The following ZNF689 variants were observed in gnomAD, a reference collection of about 807,000 sequenced individuals.
The protein encoded by ZNF689 is short ORF-encoded histone-binding protein.
A neutral mutation model predicts 37.2 loss-of-function variants in ZNF689; 14 were observed. The ratio of observed to expected loss-of-function variants is 0.38; its 90% confidence interval spans 0.25 to 0.59. ZNF689 has a LOEUF of 0.59. Among genes scored for constraint, ZNF689 ranks in the 20% least tolerant of loss-of-function variants. ZNF689 has a pLI of 0.68. For synonymous variants in ZNF689, 277 were observed against 283.3 expected (o/e 0.98, Z 0.22); for missense variants, 573 against 700.2 (o/e 0.82, Z 2.05).
chr16:30,610,625 G>A (rs2052089069), upstream of ZNF689: 2 of 153,008 alleles, frequency 1.3e-5, no homozygotes, highest in African/African-American at 2.4e-5. Context: ...GCTTTCCGCT[G>A]TTCGACTCTG....
chr16:30,604,492 G>A lies in ZNF689; in HGVS notation c.1275C>T (p.Gly425=), dbSNP rs374782420. 16 of 1,601,876 alleles carry A rather than the reference G, an allele frequency of 1.0e-5. No homozygotes were observed. The highest frequency in any genetic ancestry group is 6.8e-5 in the East Asian group (3 of 44,310). Residue 425 remains glycine (G), a synonymous_variant, in exon 3 of 3, where the codon GGC becomes GGT. Coordinates refer to ENST00000287461, the MANE Select transcript of ZNF689 (RefSeq NM_138447.3). This position sits in a 1 kb window ranked among gnomAD's most constrained non-coding sequence, Gnocchi z 5.2. ...LLASHRRVHS[G]ERPYACDLCS... ...AAAGGTCGCAGGCATAGGGCCGCTCGCCCGAGTGCACGCGCCGGTGGCTGG... is the reference window on the plus strand; with the variant it reads ...AAAGGTCGCAGGCATAGGGCCGCTCACCCGAGTGCACGCGCCGGTGGCTGG...
Position 30,604,603 on chromosome 16 carries a change from C to T in ZNF689, c.1164G>A (p.Leu388=). 1 of 1,599,886 alleles carries T rather than the reference C, an allele frequency of 6.3e-7. No homozygotes were observed. Among genetic ancestry groups the T allele is most frequent in the Non-Finnish European group, 8.5e-7 (1 of 1,173,510 alleles). ...CGRAFRRSGS[L]AIHRSTHTEE... is the part of the protein sequence containing the mutation. Reference sequence around the variant, plus strand: ...CTGTGTGCGTGCTGCGATGGATGGCCAGGGAGCCGCTCCGCCGGAAGGCAC... The same window carrying T: ...CTGTGTGCGTGCTGCGATGGATGGCTAGGGAGCCGCTCCGCCGGAAGGCAC... Residue 388 remains leucine (L), a synonymous_variant, in exon 3 of 3, where the codon CTG becomes CTA. Coordinates refer to ENST00000287461, the MANE Select transcript of ZNF689 (RefSeq NM_138447.3). The surrounding 1 kb of genome is among the most constrained non-coding windows in gnomAD (Gnocchi z 5.2).
intron 2 of ZNF689, among the ~76,000 whole-genome samples, chr16:30,607,886 C>T (rs1414187729): frequency 3.9e-5 from 6 of 152,170 alleles, no homozygotes; most frequent in South Asian, 4.1e-4. Context: ...TGCTTGAAAC[C>T]GGGAGCAAGA....
At chr16:30,609,485 T>C (rs759949561) in intron 2 of ZNF689, 40 bp downstream of exon 2, 12 of 1,586,054 alleles carry the variant, frequency 7.6e-6, no homozygotes, top group South Asian at 3.3e-5. Flanking sequence ...TAGAACGTTA[T>C]AGGAGGGCTG....
rs777702367 is a variant in ZNF689, at chr16:30,605,489, C to T, written c.320-42G>A. On this transcript the variant is annotated intron_variant, in intron 2 of 2. Coordinates refer to ENST00000287461, the MANE Select transcript of ZNF689 (RefSeq NM_138447.3). This position sits in a 1 kb window ranked among gnomAD's most constrained non-coding sequence, Gnocchi z 5.1. ...GCATTAATTTAACAAATACTGGGCT[C>T]CTGCTCTTGTCAATTACATTATAGG... The T allele has an allele frequency of 6.3e-7, 1 of 1,577,662 alleles. No individual in the cohort carries two copies. Among genetic ancestry groups the T allele is most frequent in the South Asian group, 1.2e-5 (1 of 86,722 alleles).
At position 30,603,957 on chromosome 16, in the gene ZNF689, T is replaced by A; in HGVS notation, c.*307A>T. On this transcript the variant is annotated 3_prime_UTR_variant, in exon 3 of 3. Coordinates refer to ENST00000287461, the MANE Select transcript of ZNF689 (RefSeq NM_138447.3). ...TGCAAGATGACAGGTAATCCCTGTG[T>A]GGACAGACTAGAAAAGCAGACAGCC... 2.0e-6 allele frequency: 1 copy of A among 511,846 alleles called. No homozygotes were observed. Among genetic ancestry groups the A allele is most frequent in the East Asian group, 4.5e-5 (1 of 22,198 alleles). 31.7% of individuals were successfully genotyped at this position (511,846 alleles called of 1,614,324 possible).
In ZNF689 at chr16:30,603,696, T is replaced by C. The variant is rs2052003124; in HGVS notation, c.*568A>G. ...CTATGTAGATGAAGTATTAAACATG[T>C]CGTAGGCAAGGTTTAGAGGAGAATG... On this transcript the variant is annotated 3_prime_UTR_variant, in exon 3 of 3. Transcript: ENST00000287461. 5.3e-6 allele frequency: 1 copy of C among 189,340 alleles called. No homozygotes were observed. The highest frequency in any genetic ancestry group is 2.4e-5 in the African/African-American group (1 of 42,414). The allele number at this position is 189,340 out of a possible 1,614,324, so 11.7% of individuals were successfully genotyped here. A position where few individuals can be genotyped will look rare whatever the true frequency, so the allele number is the denominator to read the frequency against.
At position 30,610,049 on chromosome 16, in the gene ZNF689, G is replaced by T. The variant is rs768612711; in HGVS notation, c.-8C>A. 1.3e-6 allele frequency: 2 copies of T among 1,579,952 alleles called. No homozygotes were observed. The highest frequency in any genetic ancestry group is 1.7e-6 in the Non-Finnish European group (2 of 1,165,040). On this transcript the variant is annotated 5_prime_UTR_variant, in exon 1 of 3. Transcript: ENST00000287461. Reference sequence around the variant, plus strand: ...AGCCGAAGGTGGCGCCATGGGACCCGAGAAGCCGGCGCCACGGCCTTCCGT... The same window carrying T: ...AGCCGAAGGTGGCGCCATGGGACCCTAGAAGCCGGCGCCACGGCCTTCCGT...
intron 2 of ZNF689, among the ~76,000 whole-genome samples, chr16:30,608,011 G>C (rs2052052245): frequency 6.6e-6 from 1 of 152,208 alleles, no homozygotes; most frequent in African/African-American, 2.4e-5. Context: ...TATGAGGTAT[G>C]AGCTAGCAGT....
In ZNF689 at chr16:30,605,389, G is replaced by C; in HGVS notation, c.378C>G (p.Pro126=). The C allele has an allele frequency of 1.9e-6, 3 of 1,613,992 alleles. No individual in the cohort carries two copies. The highest frequency in any genetic ancestry group is 2.5e-6 in the Non-Finnish European group (3 of 1,179,958). Reference sequence around the variant, plus strand: ...GCCTCCGGCCTCGCTTCCCCTTTCGGGGTGCCTCCTTAGGCGGGAATACTT... The same window carrying C: ...GCCTCCGGCCTCGCTTCCCCTTTCGCGGTGCCTCCTTAGGCGGGAATACTT... The part of the protein sequence containing the change: ...EKEVFPPKEA[P]RKGKRGRRPS... Residue 126 remains proline, a synonymous_variant, in exon 3 of 3, where the codon CCC becomes CCG. Transcript: ENST00000287461. The surrounding 1 kb of genome is among the most constrained non-coding windows in gnomAD (Gnocchi z 5.1).
chr16:30,609,448 C>T, intron 2 of ZNF689, 77 bp downstream of exon 2: 1 of 1,419,874 alleles, frequency 7.0e-7, no homozygotes, highest in Non-Finnish European at 9.9e-7. Context: ...CTAGCCCAAC[C>T]AAAACTCTGG....
Position 30,610,102 on chromosome 16 carries a change from C to A in ZNF689, c.-61G>T. ...CCAGGCCTCGGCCCTCGGGCGCTGGCGGCCCCTGGGATCGAGGAGCCCCTG... is the reference window on the plus strand; with the variant it reads ...CCAGGCCTCGGCCCTCGGGCGCTGGAGGCCCCTGGGATCGAGGAGCCCCTG... On this transcript the variant is annotated 5_prime_UTR_variant, in exon 1 of 3. Transcript: ENST00000287461. The A allele has an allele frequency of 6.6e-7, 1 of 1,517,302 alleles. No individual in the cohort carries two copies. The highest frequency in any genetic ancestry group is 1.2e-5 in the South Asian group (1 of 80,744). The allele number at this position is 1,517,302 out of a possible 1,614,324, so 94.0% of individuals were successfully genotyped here. A position where few individuals can be genotyped will look rare whatever the true frequency, so the allele number is the denominator to read the frequency against.
In ZNF689 at chr16:30,605,589, G is replaced by A. The variant is rs1459927032; in HGVS notation, c.320-142C>T. ...ACAGCTAAGTGTGACATACTGTCAT[G>A]CAAATACGGTGTGCATTACAGGAGC... On this transcript the variant is annotated intron_variant, in intron 2 of 2. Coordinates refer to ENST00000287461, the MANE Select transcript of ZNF689 (RefSeq NM_138447.3). The surrounding 1 kb of genome is among the most constrained non-coding windows in gnomAD (Gnocchi z 5.1). The A allele has an allele frequency of 1.2e-6, 1 of 837,566 alleles. No individual in the cohort carries two copies. The highest frequency in any genetic ancestry group is 1.7e-5 in the African/African-American group (1 of 58,036). 51.9% of individuals were successfully genotyped at this position (837,566 alleles called of 1,614,324 possible). A position where few individuals can be genotyped will look rare whatever the true frequency, so the allele number is the denominator to read the frequency against.
At position 30,607,690 on chromosome 16, in the gene ZNF689, CTGGGCG is replaced by C. The variant is rs1442278535; in HGVS notation, c.319+1829_319+1834del. ...ACACAAAGTGTAAAAGCAAGACAGG[CTGGGCG>C]CGGTGGCTTACACCTGCAATCCCAG... On this transcript the variant is annotated intron_variant, in intron 2 of 2. Transcript: ENST00000287461. Among the ~76,000 whole-genome samples, 5 of 152,140 alleles carry C rather than the reference CTGGGCG, an allele frequency of 3.3e-5. No individual in the cohort carries two copies. In the East Asian group the frequency reaches 7.7e-4, roughly 24 times the overall value.
chr16:30,605,514 G>A lies in ZNF689; in HGVS notation c.320-67C>T. 2 of 1,511,630 alleles carry A rather than the reference G, an allele frequency of 1.3e-6. No individual in the cohort carries two copies. Among genetic ancestry groups the A allele is most frequent in the Non-Finnish European group, 1.8e-6 (2 of 1,114,478 alleles). 93.6% of individuals were successfully genotyped at this position (1,511,630 alleles called of 1,614,324 possible). A position where few individuals can be genotyped will look rare whatever the true frequency, so the allele number is the denominator to read the frequency against. On this transcript the variant is annotated intron_variant, in intron 2 of 2. Coordinates refer to ENST00000287461, the MANE Select transcript of ZNF689 (RefSeq NM_138447.3). This position sits in a 1 kb window ranked among gnomAD's most constrained non-coding sequence, Gnocchi z 5.1. ...CCTGCTCTTGTCAATTACATTATAG[G>A]TTACAAGACCAATAGACTCACCCCC... is the stretch of plus-strand genomic sequence containing the variant.
In ZNF689 at chr16:30,610,382, G is replaced by T; in HGVS notation, c.-341C>A. Reference sequence around the variant, plus strand: ...CTTCCTAACCTCTTTGCCCTCAAGTGTAATGGCGCTGCGATTGGGCTTCAC... The same window carrying T: ...CTTCCTAACCTCTTTGCCCTCAAGTTTAATGGCGCTGCGATTGGGCTTCAC... On this transcript the variant is annotated 5_prime_UTR_variant, in exon 1 of 3. Coordinates refer to ENST00000287461, the MANE Select transcript of ZNF689 (RefSeq NM_138447.3). 3.6e-6 allele frequency: 1 copy of T among 277,972 alleles called. No homozygotes were observed. Among genetic ancestry groups the T allele is most frequent in the Non-Finnish European group, 6.8e-6 (1 of 147,048 alleles). The allele number at this position is 277,972 out of a possible 1,614,324, so 17.2% of individuals were successfully genotyped here.
chr16:30,609,810 C>A, intron 1 of ZNF689, 27 bp downstream of exon 1: 2 of 1,583,994 alleles, frequency 1.3e-6, no homozygotes, highest in East Asian at 4.6e-5. Flanking sequence ...CTTCGCGCCC[C>A]GCGGCAGCGG....
In ZNF689 at chr16:30,609,966, G is replaced by A; in HGVS notation, c.76C>T (p.Pro26Ser). 3 of 1,611,972 alleles carry A rather than the reference G, an allele frequency of 1.9e-6. No homozygotes were observed. Among genetic ancestry groups the A allele is most frequent in the Non-Finnish European group, 2.5e-6 (3 of 1,179,472 alleles). The change falls in exon 1 of 3, where the codon CCG (proline) becomes TCG (serine). Residue 26 changes from proline to serine, a missense_variant. Coordinates refer to ENST00000287461, the MANE Select transcript of ZNF689 (RefSeq NM_138447.3). ...ARPSRKRGRR[P>S]RALKFVDVAV... ...ACGTCCACGAACTTCAGAGCCCTCG[G>A]CCTCCTGCCCCTTTTCCGACTGGGT... is the stretch of plus-strand genomic sequence containing the variant.
At position 30,605,584 on chromosome 16, in the gene ZNF689, G is replaced by T; in HGVS notation, c.320-137C>A. The T allele has an allele frequency of 1.1e-6, 1 of 871,018 alleles. No individual in the cohort carries two copies. The highest frequency in any genetic ancestry group is 1.7e-6 in the Non-Finnish European group (1 of 575,146). 54.0% of individuals were successfully genotyped at this position (871,018 alleles called of 1,614,324 possible). A position where few individuals can be genotyped will look rare whatever the true frequency, so the allele number is the denominator to read the frequency against. On this transcript the variant is annotated intron_variant, in intron 2 of 2. Transcript: ENST00000287461. The surrounding 1 kb of genome is among the most constrained non-coding windows in gnomAD (Gnocchi z 5.1). ...CACAGACAGCTAAGTGTGACATACT[G>T]TCATGCAAATACGGTGTGCATTACA...
Sources: allele counts gnomAD v4.1 joint callset (sites outside exome capture counted in the v4.1 genomes callset), GRCh38; gene constraint gnomAD v4.1.1; non-coding constraint Gnocchi (gnomAD v3.1); transcripts MANE v1.5; gene names NCBI Gene and HGNC (gene_info 2026-07-23, HGNC 2026-07-21).